The following SNX4 variants were observed in gnomAD, a reference collection of about 807,000 sequenced individuals.
SNX4 encodes sorting nexin-4.
In SNX4, 49 loss-of-function variants were observed where a neutral mutation model predicts 70.8. That is an observed-to-expected ratio of 0.69 (90% CI 0.55 to 0.88). The LOEUF is 0.88. Among genes scored for constraint, SNX4 ranks in the 40% least tolerant of loss-of-function variants. The pLI is 0.00. For synonymous variants in SNX4, 206 were observed against 183.8 expected, an observed-to-expected ratio of 1.12 and a Z score of -0.98; for missense variants, 528 against 544.8, an observed-to-expected ratio of 0.97 and a Z score of 0.31.
intron 6 of SNX4, among the ~76,000 whole-genome samples, chr3:125,481,032 A>G (rs2107545988): frequency 6.6e-6 from 1 of 152,270 alleles, no homozygotes; most frequent in Admixed American, 6.5e-5. Flanking sequence ...CTCCCTTGAC[A>G]ACACACCCAG....
intron 1 of SNX4, among the ~76,000 whole-genome samples, chr3:125,516,341 T>C: frequency 6.6e-6 from 1 of 152,218 alleles, no homozygotes; most frequent in Non-Finnish European, 1.5e-5. Context: ...TCCCTTCTCA[T>C]ATTTTCCATT....
chr3:125,503,403 T>A (rs931823379), intron 2 of SNX4, among the ~76,000 whole-genome samples: 1 of 152,226 alleles, frequency 6.6e-6, no homozygotes, highest in African/African-American at 2.4e-5. Flanking sequence ...CTAATTCCTT[T>A]AGCTTTTCCC....
Position 125,500,868 on chromosome 3 carries a change from G to T in SNX4, c.264-2674C>A, listed in dbSNP as rs1393039309. Among the ~76,000 whole-genome samples, 8 of 104,788 alleles carry T rather than the reference G, an allele frequency of 7.6e-5. No homozygotes were observed. In the East Asian group the frequency reaches 1.8e-3, roughly 24 times the overall value. The allele number at this position is 104,788 out of a possible 152,430, so 68.7% of individuals were successfully genotyped here. ...GCTAGAGTTAACACTAATTTTTAAA[G>T]TATTTTTTAGGTGGCTAATTTACAA... is the stretch of plus-strand genomic sequence containing the variant. On this transcript the variant is annotated intron_variant, in intron 2 of 13. Transcript: ENST00000251775.
At chr3:125,448,785 A>C (rs112368947) in intron 13 of SNX4, among the ~76,000 whole-genome samples, 1,456 of 141,822 alleles carry the variant, frequency 0.01, 13 homozygotes, top group African/African-American at 0.032. Context: ...ACACCATTCT[A>C]CCACCTCAGC....
intron 1 of SNX4, among the ~76,000 whole-genome samples, chr3:125,518,596 G>C (rs1468277984): frequency 6.6e-6 from 1 of 152,162 alleles, no homozygotes; most frequent in Non-Finnish European, 1.5e-5. Flanking sequence ...TTTCAGGCCG[G>C]GCACCATGGC....
At chr3:125,476,860 A>G in intron 7 of SNX4, 104 bp from the exon 8 acceptor site, 1 of 630,734 alleles carries the variant, frequency 1.6e-6, no homozygotes. Context: ...ATAAACTTGG[A>G]AATAGAAAAA....
At chr3:125,459,395 C>G (rs529791662) in intron 10 of SNX4, among the ~76,000 whole-genome samples, 69 of 152,216 alleles carry the variant, frequency 4.5e-4, no homozygotes, top group African/African-American at 1.5e-3. Context: ...ATACATTAAT[C>G]CCTTTTATAA....
rs62270174 is a variant in SNX4 at position 125,504,863 on chromosome 3, T to G, written c.142-119A>C. On this transcript the variant is annotated intron_variant, in intron 1 of 13. Transcript: ENST00000251775. Reference sequence around the variant, plus strand: ...GTTTATATATTTCAAAATAGTTACTTATAGTTCTTGAGTTGCCAGGGGTTG... The same window carrying G: ...GTTTATATATTTCAAAATAGTTACTGATAGTTCTTGAGTTGCCAGGGGTTG... 25 of 1,170,130 alleles carry G rather than the reference T, an allele frequency of 2.1e-5. No homozygotes were observed. In the African/African-American group the frequency reaches 3.8e-4, roughly 18 times the overall value. The allele number at this position is 1,170,130 out of a possible 1,614,324, so 72.5% of individuals were successfully genotyped here.
intron 5 of SNX4, among the ~76,000 whole-genome samples, chr3:125,490,262 C>T (rs1289854595): frequency 6.6e-6 from 1 of 152,022 alleles, no homozygotes. Flanking sequence ...AGGCCGGGCG[C>T]GGTGGCTCAC....
intron 1 of SNX4, among the ~76,000 whole-genome samples, chr3:125,515,220 C>T (rs1038758872): frequency 2.6e-5 from 4 of 151,796 alleles, no homozygotes; most frequent in Non-Finnish European, 4.4e-5. Context: ...GGCGTGGTGG[C>T]GTGTGCCTAT....
chr3:125,456,442 C>G (rs1295540870), intron 11 of SNX4, among the ~76,000 whole-genome samples: 3 of 152,112 alleles, frequency 2.0e-5, no homozygotes, highest in Non-Finnish European at 4.4e-5. Context: ...GGGAGGATCA[C>G]TTGAGTCCAG....
chr3:125,477,359 TAAC>T (rs1169533507), intron 7 of SNX4, among the ~76,000 whole-genome samples: 1 of 152,220 alleles, frequency 6.6e-6, no homozygotes, highest in African/African-American at 2.4e-5. Flanking sequence ...ATTATTTTAA[TAAC>T]AACAGAATTA....
chr3:125,484,820 A>C (rs998678453), intron 6 of SNX4, among the ~76,000 whole-genome samples: 2 of 152,162 alleles, frequency 1.3e-5, no homozygotes, highest in Non-Finnish European at 2.9e-5. Flanking sequence ...CAAAAAGTAC[A>C]AAAAATTAGC....
rs1933443360 is a variant in SNX4 at position 125,447,133 on chromosome 3, T to C, written c.*646A>G. Reference sequence around the variant, plus strand: ...TATAGGAGTTGCTAGAGGATGACAATGTATCCCATTATAGATCTGAGAAGT... The same window carrying C: ...TATAGGAGTTGCTAGAGGATGACAACGTATCCCATTATAGATCTGAGAAGT... On this transcript the variant is annotated 3_prime_UTR_variant, in exon 14 of 14. Coordinates refer to ENST00000251775, the MANE Select transcript of SNX4 (RefSeq NM_003794.4). 6.6e-6 allele frequency: 1 copy of C among 152,648 alleles called. No individual in the cohort carries two copies. Among genetic ancestry groups the C allele is most frequent in the African/African-American group, 2.4e-5 (1 of 41,452 alleles). 9.5% of individuals were successfully genotyped at this position (152,648 alleles called of 1,614,324 possible).
At chr3:125,482,867 G>C (rs143729928) in intron 6 of SNX4, among the ~76,000 whole-genome samples, 305 of 152,218 alleles carry the variant, frequency 2.0e-3, no homozygotes, top group African/African-American at 7.0e-3. Context: ...GAGTTGGCAA[G>C]ATTGGCTCCC....
chr3:125,459,436 C>G (rs1035558004), intron 10 of SNX4, among the ~76,000 whole-genome samples: 13 of 152,006 alleles, frequency 8.6e-5, no homozygotes, highest in African/African-American at 3.1e-4. Flanking sequence ...TTCCACTGTA[C>G]TCAGCAACTT....
At chr3:125,508,650 TAAC>T (rs1935101756) in intron 1 of SNX4, among the ~76,000 whole-genome samples, 2 of 151,138 alleles carry the variant, frequency 1.3e-5, no homozygotes, top group South Asian at 2.1e-4. Context: ...GCTACAGTAA[TAAC>T]AACAACGTGG....
chr3:125,514,887 C>T lies in SNX4; in HGVS notation c.141+5145G>A, dbSNP rs528154406. Among the ~76,000 whole-genome samples, 15 of 152,230 alleles carry T rather than the reference C, an allele frequency of 9.9e-5. 1 individual carries two copies. The highest frequency in any genetic ancestry group is 3.4e-4 in the African/African-American group (14 of 41,548). On this transcript the variant is annotated intron_variant, in intron 1 of 13. Coordinates refer to ENST00000251775, the MANE Select transcript of SNX4 (RefSeq NM_003794.4). The stretch of plus-strand genomic sequence containing the variant: ...TTTGTAGACTGGGTCTCCCTACATT[C>T]CCAATACTGGTCTCAAGGCATGGGC...
chr3:125,509,522 C>T (rs1389103846), intron 1 of SNX4, among the ~76,000 whole-genome samples: 3 of 151,840 alleles, frequency 2.0e-5, no homozygotes, highest in East Asian at 1.9e-4. Context: ...GAGGCCAAGG[C>T]GGGTGGATCA....
Sources: gnomAD v4.1 joint callset for allele counts (sites outside exome capture counted in the v4.1 genomes callset) on GRCh38, gnomAD v4.1.1 for gene constraint, MANE v1.5 for transcripts, NCBI Gene and HGNC (gene_info 2026-07-23, HGNC 2026-07-21) for gene names.